SSH2: variants seen among roughly 807,000 people sequenced by gnomAD.
SSH2 encodes the protein slingshot protein phosphatase 2, also known as protein phosphatase Slingshot homolog 2.
A neutral mutation model predicts 135.2 loss-of-function variants in SSH2; 37 were observed. That is an observed-to-expected ratio of 0.27 (90% CI 0.21 to 0.36). SSH2 has a LOEUF of 0.36. SSH2 is among the 10% of genes least tolerant of loss of function. The probability of loss-of-function intolerance (pLI) is 1.00; values close to 1 mark genes in which losing one functional copy is unlikely to be tolerated. For missense variants in SSH2, 1,408 were observed against 1,765.3 expected (o/e 0.80, Z 3.63); for synonymous variants, 628 against 646.2 (o/e 0.97, Z 0.43).
chr17:29,773,092 C>T (rs989040661), intron 3 of SSH2, among the ~76,000 whole-genome samples: 1 of 151,998 alleles, frequency 6.6e-6, no homozygotes, highest in Non-Finnish European at 1.5e-5. Flanking sequence ...TCCACCCATC[C>T]ATCCATCATC....
At chr17:29,734,602 A>G (rs2040305985) in intron 3 of SSH2, among the ~76,000 whole-genome samples, 1 of 152,146 alleles carries the variant, frequency 6.6e-6, no homozygotes, top group African/African-American at 2.4e-5. Context: ...AAACTCTCCT[A>G]TTGCCTCTCG....
intron 2 of SSH2, among the ~76,000 whole-genome samples, chr17:29,813,220 T>C (rs1599033853): frequency 6.6e-6 from 1 of 150,972 alleles, no homozygotes; most frequent in Non-Finnish European, 1.5e-5. Flanking sequence ...CCATCTCTAC[T>C]AAAAATACAA....
Position 29,761,880 on chromosome 17 carries a change from TATA to T in SSH2, c.188+32011_188+32013del, listed in dbSNP as rs1257634551. ...GTGTGTGTGTGTGTGTGTATATATA[TATA>T]TATATTTTTTTTTGAGATGGAGTTT... On this transcript the variant is annotated intron_variant, in intron 3 of 15. Transcript: ENST00000540801. Among the ~76,000 whole-genome samples the T allele has an allele frequency of 2.0e-3, 273 of 138,506 alleles. 1 individual carries two copies. Among genetic ancestry groups the T allele is most frequent in the Middle Eastern group, 7.6e-3 (2 of 262 alleles). The allele number at this position is 138,506 out of a possible 152,430, so 90.9% of individuals were successfully genotyped here. A position where few individuals can be genotyped will look rare whatever the true frequency, so the allele number is the denominator to read the frequency against.
chr17:29,854,982 C>T (rs987094596), intron 1 of SSH2, among the ~76,000 whole-genome samples: 21 of 152,054 alleles, frequency 1.4e-4, no homozygotes, highest in Admixed American at 1.3e-3. Context: ...GAATAAATCC[C>T]ACAAGAGTCA....
At chr17:29,845,225 A>C (rs1335612582) in intron 2 of SSH2, among the ~76,000 whole-genome samples, 1 of 152,224 alleles carries the variant, frequency 6.6e-6, no homozygotes, top group East Asian at 1.9e-4. Context: ...TCAAATACTT[A>C]TCAAGATCCC....
At chr17:29,692,931 T>G (rs992420493) in intron 5 of SSH2, among the ~76,000 whole-genome samples, 4 of 152,240 alleles carry the variant, frequency 2.6e-5, no homozygotes, top group African/African-American at 9.6e-5. Context: ...GATTCTGATA[T>G]ACTTTAAAGT....
At chr17:29,723,570 G>T (rs2151171955) in intron 3 of SSH2, among the ~76,000 whole-genome samples, 1 of 152,334 alleles carries the variant, frequency 6.6e-6, no homozygotes, top group African/African-American at 2.4e-5. Context: ...TACATGTGAA[G>T]AACGGGAAGG....
chr17:29,817,046 G>A lies in SSH2; in HGVS notation c.145-23109C>T, dbSNP rs976365652. On this transcript the variant is annotated intron_variant, in intron 2 of 15. Coordinates refer to ENST00000540801, the MANE Select transcript of SSH2 (RefSeq NM_001282129.2). ...AATATAAATCTAAGTAAAACTACAC[G>A]AATACAAAATATTATATAGAGAAGG... Among the ~76,000 whole-genome samples the A allele has an allele frequency of 4.6e-5, 7 of 152,004 alleles. No individual in the cohort carries two copies. The South Asian group carries it at 8.3e-4, about 18-fold the overall frequency.
intron 1 of SSH2, among the ~76,000 whole-genome samples, chr17:29,883,957 C>T (rs1266366884): frequency 1.3e-5 from 2 of 152,006 alleles, no homozygotes; most frequent in African/African-American, 4.8e-5. Context: ...AAAATGAATA[C>T]TCTATTTTTA....
chr17:29,693,263 A>C (rs2151098815), intron 5 of SSH2, among the ~76,000 whole-genome samples: 1 of 151,842 alleles, frequency 6.6e-6, no homozygotes, highest in Admixed American at 6.6e-5. Context: ...CAGATTATTA[A>C]TACTGTAAGA....
chr17:29,632,315 C>T lies in SSH2; in HGVS notation c.2879G>A (p.Gly960Asp), dbSNP rs746897050. 1.9e-6 allele frequency: 3 copies of T among 1,613,958 alleles called. No individual in the cohort carries two copies. The highest frequency in any genetic ancestry group is 2.5e-6 in the Non-Finnish European group (3 of 1,179,960). The change falls in exon 16 of 16, where the codon GGC (glycine) becomes GAC (aspartate). Residue 960 changes from glycine to aspartate, a missense_variant. Physicochemically the swap from Gly to Asp is moderately conservative, Grantham distance 94. This residue lies in a region of SSH2 where 1,080 missense variants were observed against 1,144.5 expected (regional missense o/e 0.94). Transcript: ENST00000540801. ...CTCAGACCCACTGTATTTCCCTTTG[C>T]CTTTGCTCATTTCTGGTTCCTTGAG... ...FVLKEPEMSK[G>D]KGKYSGSEAG...
At chr17:29,888,118 G>T (rs1054692003) in intron 1 of SSH2, among the ~76,000 whole-genome samples, 2 of 152,120 alleles carry the variant, frequency 1.3e-5, no homozygotes, top group African/African-American at 4.8e-5. Flanking sequence ...CATGCCTGTA[G>T]TCCCAGCTAC....
At chr17:29,737,803 G>GC (rs1233664050) in intron 3 of SSH2, among the ~76,000 whole-genome samples, 2 of 152,180 alleles carry the variant, frequency 1.3e-5, no homozygotes, top group African/African-American at 2.4e-5. Context: ...TCTTGAGAAA[G>GC]CAAGATATTC....
chr17:29,703,093 T>C, intron 3 of SSH2, 31 bp from the exon 4 acceptor site: 1 of 1,492,300 alleles, frequency 6.7e-7, no homozygotes, highest in Non-Finnish European at 9.3e-7. Flanking sequence ...GAAAATAAAT[T>C]ACTTAGGAAA....
rs559783158 is a variant in SSH2, at chr17:29,634,656, G to A, written c.2262+1312C>T. Among the ~76,000 whole-genome samples, 27 of 152,264 alleles carry A rather than the reference G, an allele frequency of 1.8e-4. No individual in the cohort carries two copies. The South Asian group carries it at 2.3e-3, about 13-fold the overall frequency. On this transcript the variant is annotated intron_variant, in intron 15 of 15. Transcript: ENST00000540801. ...CAACCTCCACCTCCCGGGTTCAAGC[G>A]ATTCTCCTGCCTCAGCCTCCCAGGT...
At chr17:29,890,544 C>T (rs1485490556) in intron 1 of SSH2, among the ~76,000 whole-genome samples, 1 of 152,152 alleles carries the variant, frequency 6.6e-6, no homozygotes, top group Non-Finnish European at 1.5e-5. Context: ...ATCACAAAGA[C>T]AACATATGAT....
chr17:29,631,377 C>T lies in SSH2; in HGVS notation c.3817G>A (p.Ala1273Thr). The change falls in exon 16 of 16, where the codon GCA becomes ACA. Residue 1273 changes from alanine to threonine, a missense_variant. Ala to Thr is a moderately conservative substitution (Grantham distance 58). Coordinates refer to ENST00000540801, the MANE Select transcript of SSH2 (RefSeq NM_001282129.2). ...ATTTGGGATGGTTTGGTGAGCCCTG[C>T]CTGGAAAACCACTCGAGACTCGATT... Reference protein sequence around the residue: ...KEIESRVVFQAGLTKPSQMRR... With the variant: ...KEIESRVVFQTGLTKPSQMRR... The T allele has an allele frequency of 6.2e-7, 1 of 1,614,112 alleles. No homozygotes were observed. The highest frequency in any genetic ancestry group is 2.2e-5 in the East Asian group (1 of 44,888).
At chr17:29,693,237 C>T (rs1305975032) in intron 5 of SSH2, among the ~76,000 whole-genome samples, 2 of 150,058 alleles carry the variant, frequency 1.3e-5, no homozygotes, top group African/African-American at 4.9e-5. Flanking sequence ...CATGAGCCAC[C>T]ACACCCCAAT....
intron 1 of SSH2, among the ~76,000 whole-genome samples, chr17:29,852,838 C>T (rs2065589353): frequency 6.6e-6 from 1 of 151,890 alleles, no homozygotes; most frequent in Non-Finnish European, 1.5e-5. Context: ...GCGTGAGCCA[C>T]CATGCCCAGC....
Sources: gnomAD v4.1 joint callset for allele counts (sites outside exome capture counted in the v4.1 genomes callset) on GRCh38, gnomAD v4.1.1 for gene constraint, gnomAD v4.1.1 regional missense constraint, MANE v1.5 for transcripts, NCBI Gene and HGNC (gene_info 2026-07-23, HGNC 2026-07-21) for gene names.